TSPAN3: variants seen among roughly 807,000 people sequenced by gnomAD.
TSPAN3 encodes tetraspanin 3.
Under a neutral mutation model 31.1 loss-of-function variants are expected in TSPAN3, and 9 were observed. The observed-to-expected ratio is 0.29, with a 90% CI of 0.17 to 0.50. The LOEUF (loss-of-function observed/expected upper bound fraction) is 0.50, where lower values mean the gene tolerates loss of function less well. Among genes scored for constraint, TSPAN3 ranks in the 20% least tolerant of loss-of-function variants. The pLI is 0.98. For missense variants in TSPAN3, 252 were observed against 313.5 expected (o/e 0.80, Z 1.48); for synonymous variants, 129 against 114.3 (o/e 1.13, Z -0.82).
chr15:77,065,899 G>A (rs1053526667), intron 1 of TSPAN3, among the ~76,000 whole-genome samples: 11 of 152,108 alleles, frequency 7.2e-5, no homozygotes, highest in African/African-American at 2.4e-4. Context: ...CTCTACAGGT[G>A]TCTCAGTTTT....
In TSPAN3 at chr15:77,056,112, T is replaced by A; in HGVS notation, c.207A>T (p.Leu69=). The change falls in exon 2 of 7, where the codon CTA becomes CTT. Residue 69 remains leucine, a synonymous_variant. Coordinates refer to ENST00000267970, the MANE Select transcript of TSPAN3 (RefSeq NM_005724.6). ...CCCGGATTGTGGCACAGCAGCCAATTAGCCCAATGATGAAAAGCAGGGCTC... is the reference window on the plus strand; with the variant it reads ...CCCGGATTGTGGCACAGCAGCCAATAAGCCCAATGATGAAAAGCAGGGCTC... ...AVGALLFIIG[L]IGCCATIRES... is the part of the protein sequence containing the mutation. The A allele has an allele frequency of 6.2e-7, 1 of 1,612,314 alleles. No individual in the cohort carries two copies. Among genetic ancestry groups the A allele is most frequent in the East Asian group, 2.2e-5 (1 of 44,884 alleles).
chr15:77,062,428 AG>A (rs2076806223), intron 1 of TSPAN3, among the ~76,000 whole-genome samples: 1 of 152,226 alleles, frequency 6.6e-6, no homozygotes, highest in Admixed American at 6.5e-5. Flanking sequence ...CAAGGAAAAA[AG>A]GCCATTCCAA....
chr15:77,070,839 G>GCGGCCTCGCC, intron 1 of TSPAN3, 53 bp downstream of exon 1: 1 of 1,125,592 alleles, frequency 8.9e-7, no homozygotes, highest in East Asian at 4.9e-5. Flanking sequence ...CGCCTCCGCC[G>GCGGCCTCGCC]CGGCCTCGCC....
intron 1 of TSPAN3, among the ~76,000 whole-genome samples, chr15:77,065,538 T>C (rs2076827129): frequency 2.0e-5 from 3 of 152,140 alleles, no homozygotes; most frequent in African/African-American, 7.2e-5. Flanking sequence ...GCCATGCTCC[T>C]GCCTCAGCCT....
intron 1 of TSPAN3, among the ~76,000 whole-genome samples, chr15:77,066,396 CCTGT>C (rs1393408092): frequency 3.3e-5 from 5 of 151,754 alleles, no homozygotes; most frequent in Non-Finnish European, 7.4e-5. Flanking sequence ...ATGGTGAAAC[CCTGT>C]CTCTGTTAAA....
rs1358213561 is a variant in TSPAN3 at position 77,045,826 on chromosome 15, C to T, written c.*1009G>A. 6.6e-6 allele frequency: 1 copy of T among 152,192 alleles called. No individual in the cohort carries two copies. Among genetic ancestry groups the T allele is most frequent in the Non-Finnish European group, 1.5e-5 (1 of 68,026 alleles). The allele number at this position is 152,192 out of a possible 1,614,324, so 9.4% of individuals were successfully genotyped here. On this transcript the variant is annotated 3_prime_UTR_variant, in exon 7 of 7. Transcript: ENST00000267970. Reference sequence around the variant, plus strand: ...TCGCCACTGTATCCCCAGTGCATTGCACAAAGTAGAGCTCTATATTTCTAG... The same window carrying T: ...TCGCCACTGTATCCCCAGTGCATTGTACAAAGTAGAGCTCTATATTTCTAG...
chr15:77,049,104 C>G (rs968685075), intron 6 of TSPAN3, among the ~76,000 whole-genome samples: 5 of 152,114 alleles, frequency 3.3e-5, no homozygotes, highest in South Asian at 2.1e-4. Flanking sequence ...AGATCTATAT[C>G]CAAAATACAC....
At chr15:77,053,984 T>G (rs998488286) in intron 4 of TSPAN3, among the ~76,000 whole-genome samples, 194 bp downstream of exon 4, 2 of 152,084 alleles carry the variant, frequency 1.3e-5, no homozygotes, top group Admixed American at 6.5e-5. Context: ...TAAAAAAAAG[T>G]TCAAGATGTT....
Position 77,070,998 on chromosome 15 carries a change from C to T in TSPAN3, c.-44G>A, listed in dbSNP as rs1450236563. ...AGGCCCGGCCCGGAGAGCGGGGCTGCGCTCACCGAGAGAGCGGCAATGGCG... is the reference window on the plus strand; with the variant it reads ...AGGCCCGGCCCGGAGAGCGGGGCTGTGCTCACCGAGAGAGCGGCAATGGCG... On this transcript the variant is annotated 5_prime_UTR_variant, in exon 1 of 7. Transcript: ENST00000267970. 2 of 1,354,606 alleles carry T rather than the reference C, an allele frequency of 1.5e-6. No homozygotes were observed. Among genetic ancestry groups the T allele is most frequent in the Non-Finnish European group, 1.9e-6 (2 of 1,041,542 alleles). The allele number at this position is 1,354,606 out of a possible 1,614,324, so 83.9% of individuals were successfully genotyped here.
intron 6 of TSPAN3, among the ~76,000 whole-genome samples, chr15:77,048,630 A>G (rs1233380115): frequency 1.3e-5 from 2 of 152,222 alleles, no homozygotes; most frequent in East Asian, 1.9e-4. Context: ...AAGGCCTGCT[A>G]TACTGAAATT....
rs879353380 is a variant in TSPAN3 at position 77,053,779 on chromosome 15, CTTT to C, written c.432+396_432+398del. Reference sequence around the variant, plus strand: ...GTGTGTATCAGACTGTCCATAACAACTTTTTTTTGACAGTTTTTCTGTTGCCTT... The same window carrying C: ...GTGTGTATCAGACTGTCCATAACAACTTTTTGACAGTTTTTCTGTTGCCTT... On this transcript the variant is annotated intron_variant, in intron 4 of 6. Transcript: ENST00000267970. Among the ~76,000 whole-genome samples the C allele has an allele frequency of 2.6e-5, 4 of 151,812 alleles. No homozygotes were observed. The East Asian group carries it at 7.7e-4, about 29-fold the overall frequency.
intron 1 of TSPAN3, among the ~76,000 whole-genome samples, chr15:77,059,941 C>A (rs1032035277): frequency 6.6e-6 from 1 of 152,118 alleles, no homozygotes; most frequent in South Asian, 2.1e-4. Context: ...ACTGCCTCTC[C>A]CCCCTAAAAG....
At position 77,070,925 on chromosome 15, in the gene TSPAN3, C is replaced by A; in HGVS notation, c.30G>T (p.Lys10Asn). MGQCGITSS[K>N]TVLVFLNLIF... is the part of the protein sequence containing the mutation. ...TGAGGTTGAGAAAGACCAGCACGGT[C>A]TTGGAGGAGGTGATGCCGCACTGGC... Residue 10 changes from lysine (K) to asparagine (N), a missense_variant, in exon 1 of 7, where the codon AAG (lysine) becomes AAT (asparagine). By Grantham distance (94) the Lys-to-Asn change is moderately conservative (BLOSUM62 0). Coordinates refer to ENST00000267970, the MANE Select transcript of TSPAN3 (RefSeq NM_005724.6). 6.9e-7 allele frequency: 1 copy of A among 1,442,602 alleles called. No homozygotes were observed. The highest frequency in any genetic ancestry group is 3.1e-5 in the East Asian group (1 of 31,750). The allele number at this position is 1,442,602 out of a possible 1,614,324, so 89.4% of individuals were successfully genotyped here.
At position 77,071,042 on chromosome 15, in the gene TSPAN3, G is replaced by A. The variant is rs1393293582; in HGVS notation, c.-88C>T. On this transcript the variant is annotated 5_prime_UTR_variant, in exon 1 of 7. Coordinates refer to ENST00000267970, the MANE Select transcript of TSPAN3 (RefSeq NM_005724.6). ...AATGGCGGCGGCGCCTCCTCGCTAG[G>A]AACTGCACGGCCTGCGCGGCGCTCC... 1.7e-5 allele frequency: 16 copies of A among 955,398 alleles called. No individual in the cohort carries two copies. The highest frequency in any genetic ancestry group is 1.8e-5 in the Non-Finnish European group (13 of 719,428). The allele number at this position is 955,398 out of a possible 1,614,324, so 59.2% of individuals were successfully genotyped here.
rs76151770 is a variant in TSPAN3 at position 77,051,685 on chromosome 15, GA to G, written c.669+699del. On this transcript the variant is annotated intron_variant, in intron 6 of 6. Coordinates refer to ENST00000267970, the MANE Select transcript of TSPAN3 (RefSeq NM_005724.6). The stretch of plus-strand genomic sequence containing the variant: ...GCAACATAATGAGACCCCATTTCTG[GA>G]AAAAAAAAAAAAAAATTAAAAATTA... 5.0e-3 allele frequency among the ~76,000 whole-genome samples: 691 copies of G among 137,656 alleles called. 6 individuals carry two copies. The highest frequency in any genetic ancestry group is 0.032 in the East Asian group (153 of 4,814). 90.3% of individuals were successfully genotyped at this position (137,656 alleles called of 152,430 possible).
intron 4 of TSPAN3, 82 bp from the exon 5 acceptor site, chr15:77,053,011 CT>C: frequency 7.4e-7 from 1 of 1,352,748 alleles, no homozygotes; most frequent in Non-Finnish European, 1.0e-6. Context: ...TTAAAATAAG[CT>C]ACTCTAGACC....
chr15:77,050,617 CTT>C (rs1291498711), intron 6 of TSPAN3, among the ~76,000 whole-genome samples: 1 of 152,144 alleles, frequency 6.6e-6, no homozygotes, highest in Non-Finnish European at 1.5e-5. Context: ...AGTTCCAAAA[CTT>C]TTTTGCTGCA....
chr15:77,066,982 T>TC lies in TSPAN3; in HGVS notation c.63+3909_63+3910insG, dbSNP rs201866089. 2.6e-3 allele frequency among the ~76,000 whole-genome samples: 395 copies of TC among 152,216 alleles called. 10 individuals are homozygous for TC. In the East Asian group the frequency reaches 0.065, roughly 25 times the overall value. ...TCACACGTGGTGAGGGGGCTGAGTA[T>TC]GCTGGCTCACGTCTCTCTGCCTCTT... On this transcript the variant is annotated intron_variant, in intron 1 of 6. Coordinates refer to ENST00000267970, the MANE Select transcript of TSPAN3 (RefSeq NM_005724.6).
intron 3 of TSPAN3, 188 bp from the exon 4 acceptor site, chr15:77,054,467 G>A: frequency 2.2e-6 from 1 of 447,692 alleles, no homozygotes. Flanking sequence ...GGAGAAAAGT[G>A]ACAGGTAAAA....
Sources: gnomAD v4.1 joint callset for allele counts (sites outside exome capture counted in the v4.1 genomes callset) on GRCh38, gnomAD v4.1.1 for gene constraint, MANE v1.5 for transcripts, NCBI Gene and HGNC (gene_info 2026-07-23, HGNC 2026-07-21) for gene names.